The following DDHD1 variants were observed in gnomAD, a reference collection of about 807,000 sequenced individuals.
DDHD1 encodes the protein DDHD domain containing 1, also known as phospholipase DDHD1.
A neutral mutation model predicts 96.4 loss-of-function variants in DDHD1; 49 were observed. The observed-to-expected ratio is 0.51, with a 90% confidence interval of 0.40 to 0.64. The LOEUF (loss-of-function observed/expected upper bound fraction) is 0.64. Among genes scored for constraint, DDHD1 ranks in the 30% least tolerant of loss-of-function variants. DDHD1 has a pLI of 0.00. For missense variants in DDHD1, 1,106 were observed against 1,161.2 expected (o/e 0.95, Z 0.69); for synonymous variants, 442 against 446.5 (o/e 0.99, Z 0.13).
chr14:53,051,816 T>C, intron 12 of DDHD1, 28 bp downstream of exon 12: 1 of 1,525,568 alleles, frequency 6.6e-7, no homozygotes, highest in Non-Finnish European at 8.9e-7. Context: ...TATAGTATTC[T>C]GAATGCTATT....
intron 1 of DDHD1, among the ~76,000 whole-genome samples, chr14:53,127,066 T>A (rs994253828): frequency 1.3e-5 from 2 of 152,176 alleles, no homozygotes; most frequent in African/African-American, 4.8e-5. Context: ...AGCACAGATG[T>A]AAACGCTTGA....
intron 1 of DDHD1, among the ~76,000 whole-genome samples, chr14:53,120,152 A>G (rs1888873464): frequency 6.6e-6 from 1 of 152,228 alleles, no homozygotes; most frequent in African/African-American, 2.4e-5. Context: ...TTATACACCA[A>G]TAATAGACAA....
chr14:53,134,822 TCA>T (rs1890114338), intron 1 of DDHD1, among the ~76,000 whole-genome samples: 1 of 152,132 alleles, frequency 6.6e-6, no homozygotes, highest in Non-Finnish European at 1.5e-5. Context: ...TTCCTTTTAT[TCA>T]GACCTTGTAT....
chr14:53,085,225 T>C (rs774149590), intron 4 of DDHD1, among the ~76,000 whole-genome samples: 28 of 152,160 alleles, frequency 1.8e-4, no homozygotes, highest in Admixed American at 3.9e-4. Context: ...AGCAGAACCT[T>C]CTGCAGGCTT....
chr14:53,121,919 C>T (rs1005481327), intron 1 of DDHD1, among the ~76,000 whole-genome samples: 10 of 13,466 alleles, frequency 7.4e-4, no homozygotes, highest in African/African-American at 9.7e-4. Context: ...TATCCCAGAA[C>T]GTTAAAAAAA....
At chr14:53,119,000 G>T (rs1888771617) in intron 1 of DDHD1, among the ~76,000 whole-genome samples, 1 of 152,152 alleles carries the variant, frequency 6.6e-6, no homozygotes, top group African/African-American at 2.4e-5. Flanking sequence ...GAGAGTGGGG[G>T]CCAATATTCA....
chr14:53,139,843 C>CAAA (rs56999105), intron 1 of DDHD1, among the ~76,000 whole-genome samples: 1 of 131,256 alleles, frequency 7.6e-6, no homozygotes, highest in African/African-American at 2.8e-5. Flanking sequence ...CAAGAGACCA[C>CAAA]AAAAAAAAAA....
intron 1 of DDHD1, among the ~76,000 whole-genome samples, chr14:53,118,800 A>G (rs150571249): frequency 5.8e-4 from 89 of 152,296 alleles, no homozygotes; most frequent in African/African-American, 2.0e-3. Flanking sequence ...CAAATTCAGG[A>G]AATACAGAGA....
At chr14:53,152,124 A>ATGGGTGTAG in intron 1 of DDHD1, 137 bp downstream of exon 1, 3 of 842,758 alleles carry the variant, frequency 3.6e-6, no homozygotes, top group South Asian at 2.4e-5. Flanking sequence ...CTCCCTGCTC[A>ATGGGTGTAG]ATCTCCATCC....
chr14:53,143,908 G>A lies in DDHD1; in HGVS notation c.838+8353C>T, dbSNP rs530597995. On this transcript the variant is annotated intron_variant, in intron 1 of 12. Coordinates refer to ENST00000673822, the MANE Select transcript of DDHD1 (RefSeq NM_001160148.2). The stretch of plus-strand genomic sequence containing the variant: ...TTAGATGGGGAGGAAACTCTTTGAA[G>A]AGGAACTTCTACTTTACTTTTTACA... 3.3e-5 allele frequency among the ~76,000 whole-genome samples: 5 copies of A among 152,348 alleles called. No homozygotes were observed. The South Asian group carries it at 1.0e-3, about 32-fold the overall frequency.
At chr14:53,051,716 T>G (rs182683113) in intron 12 of DDHD1, 128 bp downstream of exon 12, 2 of 700,150 alleles carry the variant, frequency 2.9e-6, no homozygotes, top group Non-Finnish European at 4.6e-6. Flanking sequence ...ACACATAAAA[T>G]AGTCTGTAAT....
At chr14:53,074,944 C>T (rs2139923175) in intron 4 of DDHD1, among the ~76,000 whole-genome samples, 1 of 152,206 alleles carries the variant, frequency 6.6e-6, no homozygotes, top group Non-Finnish European at 1.5e-5. Flanking sequence ...ATTACATCCA[C>T]TATGGTTAAC....
chr14:53,057,519 A>C (rs1883162380), intron 9 of DDHD1, among the ~76,000 whole-genome samples: 1 of 152,150 alleles, frequency 6.6e-6, no homozygotes, highest in Non-Finnish European at 1.5e-5. Context: ...GAATATTTTC[A>C]TTTTTCAGAG....
chr14:53,098,961 T>C (rs1228454562), intron 2 of DDHD1, among the ~76,000 whole-genome samples: 2 of 152,062 alleles, frequency 1.3e-5, no homozygotes, highest in South Asian at 2.1e-4. Context: ...TTAATTATCT[T>C]ATATATACAA....
In DDHD1 at chr14:53,044,590, A is replaced by C. The variant is rs1309270142; in HGVS notation, c.*2178T>G. The C allele has an allele frequency of 1.3e-5, 2 of 152,208 alleles. No individual in the cohort carries two copies. The highest frequency in any genetic ancestry group is 2.9e-5 in the Non-Finnish European group (2 of 68,038). 9.4% of individuals were successfully genotyped at this position (152,208 alleles called of 1,614,324 possible). A position where few individuals can be genotyped will look rare whatever the true frequency, so the allele number is the denominator to read the frequency against. ...GAGAACTAAATTAGACCTACAAAAT[A>C]AACAGGCTATGAAAATGACCTGAGT... On this transcript the variant is annotated 3_prime_UTR_variant, in exon 13 of 13. Coordinates refer to ENST00000673822, the MANE Select transcript of DDHD1 (RefSeq NM_001160148.2).
chr14:53,092,050 G>A (rs1886473010), intron 3 of DDHD1, 118 bp from the exon 4 acceptor site: 2 of 955,572 alleles, frequency 2.1e-6, no homozygotes, highest in Non-Finnish European at 3.0e-6. Context: ...CACTGGCTGT[G>A]GGGGAGGAAA....
chr14:53,121,953 T>C (rs1248107975), intron 1 of DDHD1, among the ~76,000 whole-genome samples: 1 of 151,048 alleles, frequency 6.6e-6, no homozygotes, highest in Admixed American at 6.6e-5. Flanking sequence ...TGATACTGTG[T>C]AAATTATCCA....
chr14:53,109,594 T>TGC (rs1887957480), intron 1 of DDHD1, among the ~76,000 whole-genome samples: 1 of 152,166 alleles, frequency 6.6e-6, no homozygotes, highest in Non-Finnish European at 1.5e-5. Flanking sequence ...TATGTGTGTG[T>TGC]GCATGTGTGT....
chr14:53,063,150 C>T lies in DDHD1; in HGVS notation c.1559G>A (p.Arg520Gln), dbSNP rs2139871296. 4 of 1,613,832 alleles carry T rather than the reference C, an allele frequency of 2.5e-6. No individual in the cohort carries two copies. The highest frequency in any genetic ancestry group is 1.1e-5 in the South Asian group (1 of 91,064). ...LNRLYSLFCS[R>Q]NPDFEEKGGK... ...CCCTTTTTCTTCAAAGTCTGGATTCCGAGAACAGAAAAGGGAATACAATCG... is the reference window on the plus strand; with the variant it reads ...CCCTTTTTCTTCAAAGTCTGGATTCTGAGAACAGAAAAGGGAATACAATCG... The change falls in exon 7 of 13, where the codon CGG (arginine) becomes CAG (glutamine). Residue 520 changes from arginine to glutamine, a missense_variant. Arg to Gln is a conservative substitution (Grantham distance 43). This residue lies in a region of DDHD1 where 650 missense variants were observed against 758.8 expected (regional missense o/e 0.86). Transcript: ENST00000673822.
Sources: allele counts gnomAD v4.1 joint callset (sites outside exome capture counted in the v4.1 genomes callset), GRCh38; gene constraint gnomAD v4.1.1; regional missense constraint gnomAD v4.1.1; transcripts MANE v1.5; gene names NCBI Gene and HGNC (gene_info 2026-07-23, HGNC 2026-07-21).